UACA: variants seen among roughly 807,000 people sequenced by gnomAD.
UACA encodes nuclear membrane binding protein.
In UACA, 112 loss-of-function variants were observed where a neutral mutation model predicts 160.5. That is an observed-to-expected ratio of 0.70 (90% CI 0.60 to 0.82). The LOEUF (loss-of-function observed/expected upper bound fraction) is 0.82. Among genes scored for constraint, UACA ranks in the 40% least tolerant of loss-of-function variants. The probability of loss-of-function intolerance (pLI) is 0.00; values close to 1 mark genes in which losing one functional copy is unlikely to be tolerated. For missense variants in UACA, 1,574 were observed against 1,614.6 expected, an observed-to-expected ratio of 0.97 and a Z score of 0.43; for synonymous variants, 557 against 568.4, an observed-to-expected ratio of 0.98 and a Z score of 0.29.
At chr15:70,769,863 G>A in the UACA span, among the ~76,000 whole-genome samples, 1 of 152,114 alleles carries the variant, frequency 6.6e-6, no homozygotes, top group South Asian at 2.1e-4. Context: ...TGGCTGTGGT[G>A]GTGGGCACCT....
intron 17 of UACA, among the ~76,000 whole-genome samples, chr15:70,661,914 G>A (rs1896719070): frequency 6.6e-6 from 1 of 152,098 alleles, no homozygotes; most frequent in Non-Finnish European, 1.5e-5. Context: ...ATACTGAATG[G>A]GCAAAAACTG....
In UACA at chr15:70,668,350, CT is replaced by C; in HGVS notation, c.2333del (p.Lys778ArgfsTer15). On this transcript the variant is annotated frameshift_variant, in exon 16 of 19. Transcript: ENST00000322954. LOFTEE classifies it high-confidence loss of function. ...LLDVTQKYTEKKLEMEKLLLE... is the reference protein window; with the variant it reads ...LLDVTQKYTEXKLEMEKLLLE... ...GTAGCAATTTCTCCATTTCCAACTTCTTTTCTGTATATTTTTGTGTTACATC... is the reference window on the plus strand; with the variant it reads ...GTAGCAATTTCTCCATTTCCAACTTCTTTCTGTATATTTTTGTGTTACATC... The C allele has an allele frequency of 6.2e-7, 1 of 1,609,086 alleles. No individual in the cohort carries two copies. The highest frequency in any genetic ancestry group is 8.5e-7 in the Non-Finnish European group (1 of 1,178,920).
chr15:70,719,763 C>T (rs1369587454), intron 1 of UACA, among the ~76,000 whole-genome samples: 1 of 152,074 alleles, frequency 6.6e-6, no homozygotes, highest in Non-Finnish European at 1.5e-5. Flanking sequence ...AAAGGAAACA[C>T]CTTACAGAGT....
chr15:70,714,061 G>C (rs898982434), intron 1 of UACA, among the ~76,000 whole-genome samples: 2 of 151,976 alleles, frequency 1.3e-5, no homozygotes, highest in Non-Finnish European at 2.9e-5. Context: ...AATTAAAAAA[G>C]TACACAGGCT....
intron 1 of UACA, chr15:70,758,625 C>T (rs1459717103): frequency 6.6e-6 from 1 of 152,170 alleles, no homozygotes; most frequent in East Asian, 1.9e-4. Context: ...ACATCTCAAA[C>T]TAATGTTATT....
chr15:70,746,840 G>T (rs183157458), intron 1 of UACA, among the ~76,000 whole-genome samples: 2 of 152,268 alleles, frequency 1.3e-5, no homozygotes, highest in East Asian at 3.9e-4. Flanking sequence ...ACAGGGACAT[G>T]GATGAAGCTA....
intron 18 of UACA, 105 bp downstream of exon 18, chr15:70,660,046 G>T: frequency 1.2e-6 from 1 of 835,890 alleles, no homozygotes; most frequent in Non-Finnish European, 1.9e-6. Context: ...AGCATAGGGG[G>T]TGCAGCTACT....
chr15:70,696,248 A>G (rs1898123893), intron 2 of UACA, among the ~76,000 whole-genome samples: 1 of 152,162 alleles, frequency 6.6e-6, no homozygotes, highest in Non-Finnish European at 1.5e-5. Flanking sequence ...TTATTATTCT[A>G]TAGAGGATTT....
At chr15:70,741,542 G>A (rs933096882) in intron 1 of UACA, among the ~76,000 whole-genome samples, 1 of 152,158 alleles carries the variant, frequency 6.6e-6, no homozygotes, top group African/African-American at 2.4e-5. Flanking sequence ...CCAAAACTCT[G>A]TTCTTTATAA....
chr15:70,662,428 T>C (rs1389988242), intron 17 of UACA, among the ~76,000 whole-genome samples: 4 of 152,244 alleles, frequency 2.6e-5, no homozygotes, highest in South Asian at 2.1e-4. Flanking sequence ...TGAAAATGGC[T>C]ATACTGCCCA....
rs761029311 is a variant in UACA, at chr15:70,690,481, G to C, written c.397C>G (p.Gln133Glu). The change falls in exon 5 of 19, where the codon CAG becomes GAG. Residue 133 changes from glutamine to glutamate, a missense_variant. Transcript: ENST00000322954. Reference protein sequence around the residue: ...YNCPTEHADLQGRTALHDAAM... With the variant: ...YNCPTEHADLEGRTALHDAAM... ...GCATCGTGAAGTGCAGTTCTTCCCT[G>C]CAGGTCTGCATGCTCAGTGGGACAA... 3 of 1,612,974 alleles carry C rather than the reference G, an allele frequency of 1.9e-6. No homozygotes were observed. The South Asian group carries it at 3.3e-5, about 18-fold the overall frequency.
intron 9 of UACA, among the ~76,000 whole-genome samples, chr15:70,682,246 A>C (rs2140933202): frequency 6.6e-6 from 1 of 152,382 alleles, no homozygotes; most frequent in African/African-American, 2.4e-5. Context: ...TAAAGTCCTC[A>C]ATTAAATACA....
chr15:70,658,332 G>C (rs1206348453), intron 18 of UACA, among the ~76,000 whole-genome samples: 1 of 152,140 alleles, frequency 6.6e-6, no homozygotes, highest in East Asian at 1.9e-4. Flanking sequence ...TTAATGGAAA[G>C]ATTACTAGAG....
chr15:70,679,357 CA>C (rs1897401933), intron 10 of UACA, among the ~76,000 whole-genome samples: 1 of 151,562 alleles, frequency 6.6e-6, no homozygotes, highest in African/African-American at 2.4e-5. Flanking sequence ...GAGCCGAGAT[CA>C]TGCCACTGCA....
chr15:70,740,362 C>T (rs901452813), intron 1 of UACA, among the ~76,000 whole-genome samples: 3 of 151,850 alleles, frequency 2.0e-5, no homozygotes, highest in Admixed American at 2.0e-4. Flanking sequence ...ACCTGTAATC[C>T]CAGAACTTTG....
rs1257660840 is a variant in UACA, at chr15:70,695,080, T to A, written c.238A>T (p.Asn80Tyr). 1.9e-6 allele frequency: 3 copies of A among 1,608,728 alleles called. No homozygotes were observed. The highest frequency in any genetic ancestry group is 2.5e-6 in the Non-Finnish European group (3 of 1,177,366). The change falls in exon 3 of 19, where the codon AAT (asparagine) becomes TAT (tyrosine). Residue 80 changes from asparagine to tyrosine, a missense_variant. Coordinates refer to ENST00000322954, the MANE Select transcript of UACA (RefSeq NM_018003.4). ...AGGATGGCATTCAAACACTCAAGATTCCCCTTTGAGGTCACAACATGGAAG... is the reference window on the plus strand; with the variant it reads ...AGGATGGCATTCAAACACTCAAGATACCCCTTTGAGGTCACAACATGGAAG... ...SVFHVVTSKG[N>Y]LECLNAILIH...
intron 16 of UACA, among the ~76,000 whole-genome samples, chr15:70,665,130 C>A (rs1195417078): frequency 6.6e-6 from 1 of 152,096 alleles, no homozygotes; most frequent in Non-Finnish European, 1.5e-5. Context: ...GAACTATCTT[C>A]CAGGTAACAT....
At chr15:70,741,342 T>C (rs745749677) in intron 1 of UACA, among the ~76,000 whole-genome samples, 1 of 152,234 alleles carries the variant, frequency 6.6e-6, no homozygotes, top group African/African-American at 2.4e-5. Context: ...CCACAAGGCC[T>C]ATCTACATGT....
chr15:70,667,935 G>T lies in UACA; in HGVS notation c.2749C>A (p.Gln917Lys), dbSNP rs201393156. ...LKRNLENTQN[Q>K]IKAEYISLAE... ...AGGCTGATGTACTCAGCTTTTATTT[G>T]GTTCTGAGTGTTTTCCAGGTTTCTT... The change falls in exon 16 of 19, where the codon CAA becomes AAA. Residue 917 changes from glutamine to lysine, a missense_variant. Coordinates refer to ENST00000322954, the MANE Select transcript of UACA (RefSeq NM_018003.4). 1 of 1,612,376 alleles carries T rather than the reference G, an allele frequency of 6.2e-7. No individual in the cohort carries two copies. The highest frequency in any genetic ancestry group is 8.5e-7 in the Non-Finnish European group (1 of 1,179,514).
Sources: gnomAD v4.1 joint callset for allele counts (sites outside exome capture counted in the v4.1 genomes callset) on GRCh38, gnomAD v4.1.1 for gene constraint, MANE v1.5 for transcripts, NCBI Gene and HGNC (gene_info 2026-07-23, HGNC 2026-07-21) for gene names.